Variants in MALAT1 observed in about 807,000 individuals in gnomAD.
MALAT1 encodes metastasis associated lung adenocarcinoma transcript 1.
At chr11:65,504,856 G>A (rs2134993225) in intron 3 of MALAT1, 1 of 518,930 alleles carries the variant, frequency 1.9e-6, no homozygotes, top group East Asian at 5.4e-5. Flanking sequence ...AAGGGCCAGA[G>A]AAGCCAGACC....
chr11:65,503,650 CCTT>C (rs1388589528), exon 3 of MALAT1: 6 of 512,942 alleles, frequency 1.2e-5, no homozygotes, highest in African/African-American at 9.7e-5. Flanking sequence ...AAAGCTGTCT[CCTT>C]ATTTAAATAA....
chr11:65,503,825 A>G (rs368135030), exon 3 of MALAT1: 29 of 516,552 alleles, frequency 5.6e-5, no homozygotes, highest in African/African-American at 4.4e-4. Context: ...TTTATTCTTC[A>G]TAAAGTGATG....
chr11:65,500,784 C>T lies in MALAT1; in HGVS notation n.2047C>T, dbSNP rs557173040. 6 of 518,870 alleles carry T rather than the reference C, an allele frequency of 1.2e-5. No individual in the cohort carries two copies. The East Asian group carries it at 1.6e-4, about 14-fold the overall frequency. 32.1% of individuals were successfully genotyped at this position (518,870 alleles called of 1,614,324 possible). ...GGTTGGTAAAAATCCGTGAGGTCGGCAATATGTTGTTTTTCTGGAACTTAC... is the reference window on the plus strand; with the variant it reads ...GGTTGGTAAAAATCCGTGAGGTCGGTAATATGTTGTTTTTCTGGAACTTAC... On this transcript the variant is annotated non_coding_transcript_exon_variant, in exon 3 of 4. Transcript: ENST00000619449.
At chr11:65,503,921 C>G (rs745705097) in intron 3 of MALAT1, 2 of 516,960 alleles carry the variant, frequency 3.9e-6, no homozygotes, top group Non-Finnish European at 7.7e-6. Context: ...AGATTATGAT[C>G]AGAGTAAAAG....
chr11:65,498,750 CG>C (rs1565672980), intron 2 of MALAT1: 1 of 518,774 alleles, frequency 1.9e-6, no homozygotes, highest in Non-Finnish European at 3.8e-6. Flanking sequence ...TTAAAAGTTC[CG>C]GGGGTTTTGT....
intron 3 of MALAT1, chr11:65,504,825 C>T (rs765301720): frequency 1.9e-6 from 1 of 519,006 alleles, no homozygotes; most frequent in South Asian, 1.4e-5. Flanking sequence ...TGCAGGAACA[C>T]TCAGCAGACA....
intron 3 of MALAT1, chr11:65,505,361 G>A (rs756975149): frequency 2.5e-5 from 13 of 517,906 alleles, no homozygotes; most frequent in Admixed American, 1.4e-4. Context: ...TGAAGCATCC[G>A]AAGGAATGCT....
At chr11:65,499,392 T>G (rs1854485385) in exon 3 of MALAT1, 1 of 488,758 alleles carries the variant, frequency 2.0e-6, no homozygotes. Context: ...TTAATACCAA[T>G]AGAAGGGCAA....
At chr11:65,502,385 T>A in exon 3 of MALAT1, 1 of 508,786 alleles carries the variant, frequency 2.0e-6, no homozygotes, top group Non-Finnish European at 3.9e-6. Flanking sequence ...GTAGCTTTTG[T>A]ATTATCAAGT....
intron 3 of MALAT1, chr11:65,505,964 G>A (rs1284458281): frequency 2.2e-6 from 1 of 447,044 alleles, no homozygotes. Context: ...GAACATAACA[G>A]ACTTGGCCAA....
chr11:65,499,306 G>A (rs1164994814), exon 3 of MALAT1: 1 of 510,962 alleles, frequency 2.0e-6, no homozygotes, highest in Non-Finnish European at 3.9e-6. Context: ...CATGACGGAG[G>A]TTGAGATGAA....
In MALAT1 at chr11:65,498,919, A is replaced by C. The variant is rs750924572; in HGVS notation, n.232-50A>C. On this transcript the variant is annotated intron_variant and non_coding_transcript_variant, in intron 2 of 3. Coordinates refer to ENST00000619449, the Ensembl canonical transcript of MALAT1. Reference sequence around the variant, plus strand: ...GTTAAGAAAAATCTAGAAAAGTAAAACTAGAACCTATTTTTAACCGAAGAA... The same window carrying C: ...GTTAAGAAAAATCTAGAAAAGTAAACCTAGAACCTATTTTTAACCGAAGAA... 10 of 518,812 alleles carry C rather than the reference A, an allele frequency of 1.9e-5. 1 individual carries two copies. Among genetic ancestry groups the C allele is most frequent in the South Asian group, 1.4e-4 (10 of 71,548 alleles). The allele number at this position is 518,812 out of a possible 1,614,324, so 32.1% of individuals were successfully genotyped here. A position where few individuals can be genotyped will look rare whatever the true frequency, so the allele number is the denominator to read the frequency against.
exon 3 of MALAT1, chr11:65,500,416 A>G (rs1249837698): frequency 1.9e-6 from 1 of 518,986 alleles, no homozygotes; most frequent in Non-Finnish European, 3.8e-6. Context: ...ACAGAAGTGG[A>G]TTCAGTGAAT....
chr11:65,499,683 G>A (rs761369944), exon 3 of MALAT1: 6 of 433,224 alleles, frequency 1.4e-5, no homozygotes, highest in Admixed American at 2.8e-5. Context: ...ACAGAAGTAC[G>A]GGAAGGCGAA....
At chr11:65,505,574 C>T (rs753932131) in intron 3 of MALAT1, 1 of 516,446 alleles carries the variant, frequency 1.9e-6, no homozygotes, top group Non-Finnish European at 3.9e-6. Flanking sequence ...CACCCCGTGC[C>T]TTTTGATCTA....
chr11:65,506,097 TAAAA>T (rs11367099), intron 3 of MALAT1: 63 of 354,188 alleles, frequency 1.8e-4, no homozygotes, highest in African/African-American at 1.1e-3. Flanking sequence ...TTTTCTAGCT[TAAAA>T]AAAAAAAAAG....
intron 1 of MALAT1, chr11:65,498,000 A>G (rs201385070): frequency 3.9e-6 from 2 of 518,844 alleles, no homozygotes; most frequent in Non-Finnish European, 7.7e-6. Flanking sequence ...AAACCACTCA[A>G]ACTCTGCAGT....
exon 3 of MALAT1, chr11:65,499,746 G>GA (rs781235953): frequency 4.7e-6 from 2 of 429,606 alleles, no homozygotes; most frequent in Non-Finnish European, 9.1e-6. Flanking sequence ...ACTTTTAGAA[G>GA]AAAAAAGATA....
intron 1 of MALAT1, chr11:65,498,454 G>A (rs1041210775): frequency 3.5e-5 from 18 of 518,504 alleles, no homozygotes; most frequent in Non-Finnish European, 5.8e-5. Flanking sequence ...CCAAGAGTGG[G>A]TTTTCACGTT....
Sources: gnomAD v4.1 joint callset for allele counts on GRCh38, gnomAD v4.1.1 for gene constraint, MANE v1.5 for transcripts, NCBI Gene and HGNC (gene_info 2026-07-23, HGNC 2026-07-21) for gene names.